CSMD1: variants seen among roughly 807,000 people sequenced by gnomAD.
The protein encoded by CSMD1 is CUB and sushi domain-containing protein 1.
A neutral mutation model predicts 417.5 loss-of-function variants in CSMD1; 213 were observed. The observed-to-expected ratio is 0.51, with a 90% CI of 0.46 to 0.57. The LOEUF (loss-of-function observed/expected upper bound fraction) is 0.57, where lower values mean the gene tolerates loss of function less well. Among genes scored for constraint, CSMD1 ranks in the 20% least tolerant of loss-of-function variants. CSMD1 has a pLI of 0.00. For missense variants in CSMD1, 6,923 were observed against 4,529.7 expected (o/e 1.53, Z -15.17); for synonymous variants, 2,862 against 1,736.8 (o/e 1.65, Z -16.11).
intron 2 of CSMD1, among the ~76,000 whole-genome samples, chr8:4,500,938 C>T (rs1240361832): frequency 2.0e-5 from 3 of 152,060 alleles, no homozygotes; most frequent in South Asian, 4.1e-4. Flanking sequence ...AACTTGAGAA[C>T]GAGTACCCTT....
chr8:4,593,916 G>T lies in CSMD1; in HGVS notation c.302+43426C>A, dbSNP rs181654330. 1.3e-3 allele frequency among the ~76,000 whole-genome samples: 196 copies of T among 152,230 alleles called. 1 individual carries two copies. The highest frequency in any genetic ancestry group is 3.4e-3 in the Middle Eastern group (1 of 294). On this transcript the variant is annotated intron_variant, in intron 2 of 69. Transcript: ENST00000635120. Reference sequence around the variant, plus strand: ...AATTTATTGTCTCACAGTTTTGAGGGCCAGGAGTCTGAAATCAAAATGTCA... The same window carrying T: ...AATTTATTGTCTCACAGTTTTGAGGTCCAGGAGTCTGAAATCAAAATGTCA...
chr8:4,347,330 T>C (rs760469825), intron 3 of CSMD1, among the ~76,000 whole-genome samples: 7 of 152,176 alleles, frequency 4.6e-5, no homozygotes, highest in African/African-American at 1.2e-4. Flanking sequence ...GTCTATAGCA[T>C]AGGACAAAAC....
chr8:3,187,394 G>A (rs922688238), intron 36 of CSMD1, among the ~76,000 whole-genome samples: 5 of 152,170 alleles, frequency 3.3e-5, no homozygotes, highest in Non-Finnish European at 7.3e-5. Flanking sequence ...GGAGGTGCAA[G>A]GAAGACTAAG....
chr8:4,648,638 T>G (rs1301410472), intron 1 of CSMD1, among the ~76,000 whole-genome samples: 4 of 152,226 alleles, frequency 2.6e-5, no homozygotes, highest in African/African-American at 9.6e-5. Flanking sequence ...TATCACCATT[T>G]ACGTTGCTCA....
At chr8:2,982,142 G>C (rs771910425) in intron 54 of CSMD1, among the ~76,000 whole-genome samples, 8 of 152,112 alleles carry the variant, frequency 5.3e-5, no homozygotes, top group Admixed American at 4.6e-4. Flanking sequence ...GATCATTTGA[G>C]GTCAAGAGTT....
intron 67 of CSMD1, 63 bp downstream of exon 67, chr8:2,950,168 C>G (rs1802527882): frequency 1.8e-6 from 2 of 1,084,034 alleles, no homozygotes; most frequent in Non-Finnish European, 2.9e-6. Context: ...GTAGCCCTTG[C>G]ATCTGCACAG....
At chr8:4,979,367 C>A (rs1411689054) in intron 1 of CSMD1, among the ~76,000 whole-genome samples, 1 of 152,048 alleles carries the variant, frequency 6.6e-6, no homozygotes, top group Admixed American at 6.6e-5. Flanking sequence ...ACAAAGAAAC[C>A]AAGTGTCAAG....
chr8:3,417,659 A>T (rs1372283476), intron 12 of CSMD1, among the ~76,000 whole-genome samples: 1 of 133,772 alleles, frequency 7.5e-6, no homozygotes, highest in Non-Finnish European at 1.7e-5. Flanking sequence ...CGCTGAAGAG[A>T]GAGTGAGTAA....
chr8:2,999,057 C>T (rs555458799), intron 53 of CSMD1, among the ~76,000 whole-genome samples: 3 of 151,338 alleles, frequency 2.0e-5, no homozygotes, highest in Admixed American at 6.6e-5. Context: ...GTACATTGTT[C>T]GAAAAATAGT....
At chr8:4,388,961 A>G (rs768054461) in intron 3 of CSMD1, among the ~76,000 whole-genome samples, 3 of 152,134 alleles carry the variant, frequency 2.0e-5, no homozygotes, top group Non-Finnish European at 4.4e-5. Flanking sequence ...TACGTCTCTT[A>G]CCTCACACAC....
In CSMD1 at chr8:3,586,172, G is replaced by C; in HGVS notation, c.1186C>G (p.Leu396Val). The stretch of plus-strand genomic sequence containing the variant: ...GGCCTGTGGTCACTCCAAGCAGCGA[G>C]CGTCTCTGTAACTCTCTGACAGGTG... ...SITCQRVTET[L>V]AAWSDHRPIC... is the part of the protein sequence containing the mutation. Residue 396 changes from leucine to valine, a missense_variant, in exon 9 of 70, where the codon CTC becomes GTC. Transcript: ENST00000635120. 2 of 1,612,868 alleles carry C rather than the reference G, an allele frequency of 1.2e-6. No homozygotes were observed. Among genetic ancestry groups the C allele is most frequent in the Non-Finnish European group, 1.7e-6 (2 of 1,179,468 alleles).
intron 3 of CSMD1, among the ~76,000 whole-genome samples, chr8:4,399,852 A>T (rs1585016164): frequency 6.6e-6 from 1 of 152,338 alleles, no homozygotes; most frequent in African/African-American, 2.4e-5. Context: ...TGAGAGAAAG[A>T]TCCCAGATTA....
At chr8:4,414,126 T>C (rs1008534149) in intron 3 of CSMD1, among the ~76,000 whole-genome samples, 1 of 152,148 alleles carries the variant, frequency 6.6e-6, no homozygotes, top group Non-Finnish European at 1.5e-5. Flanking sequence ...AAGGGAGAAA[T>C]AAATCAGTGC....
chr8:4,920,467 G>A (rs1806361104), intron 1 of CSMD1, among the ~76,000 whole-genome samples: 1 of 152,172 alleles, frequency 6.6e-6, no homozygotes, highest in Non-Finnish European at 1.5e-5. Flanking sequence ...GTATATGTCT[G>A]CAGCAAGATC....
chr8:3,118,642 C>T (rs753225825), intron 41 of CSMD1, 55 bp from the exon 42 acceptor site: 62 of 1,516,948 alleles, frequency 4.1e-5, no homozygotes, highest in African/African-American at 2.6e-4. Flanking sequence ...TAAATTACTT[C>T]GGAATTTGCA....
intron 1 of CSMD1, among the ~76,000 whole-genome samples, chr8:4,885,807 G>A (rs1054941031): frequency 4.0e-5 from 6 of 151,732 alleles, no homozygotes; most frequent in African/African-American, 1.5e-4. Flanking sequence ...GAGTTCTGAG[G>A]AAATCCAATT....
intron 5 of CSMD1, among the ~76,000 whole-genome samples, chr8:3,788,947 T>A (rs182914060): frequency 6.6e-6 from 1 of 152,206 alleles, no homozygotes. Flanking sequence ...TAGACAGTAT[T>A]GTAGAATTTA....
chr8:2,941,155 C>T (rs1025249637), intron 69 of CSMD1, among the ~76,000 whole-genome samples: 2 of 152,230 alleles, frequency 1.3e-5, no homozygotes, highest in Admixed American at 6.5e-5. Context: ...TTCTAAATAT[C>T]ATCTGAAATG....
At chr8:3,180,384 C>G (rs1821245978) in intron 37 of CSMD1, among the ~76,000 whole-genome samples, 1 of 152,278 alleles carries the variant, frequency 6.6e-6, no homozygotes, top group African/African-American at 2.4e-5. Context: ...CTTATTTTAA[C>G]TGCCTTTGAG....
Sources: allele counts gnomAD v4.1 joint callset (sites outside exome capture counted in the v4.1 genomes callset), GRCh38; gene constraint gnomAD v4.1.1; transcripts MANE v1.5; gene names NCBI Gene and HGNC (gene_info 2026-07-23, HGNC 2026-07-21).